The following B3GALT1 variants were observed in gnomAD, a reference collection of about 807,000 sequenced individuals.
B3GALT1 encodes the protein beta-1,3-galactosyltransferase 1, also known as UDP-Gal:betaGlcNAc beta 1,3-galactosyltransferase, polypeptide 1.
A neutral mutation model predicts 23.2 loss-of-function variants in B3GALT1; 10 were observed. That is an observed-to-expected ratio of 0.43 (90% CI 0.27 to 0.73). The LOEUF (loss-of-function observed/expected upper bound fraction) is 0.73, where lower values mean the gene tolerates loss of function less well. Ranked by LOEUF, B3GALT1 falls within the 30% of genes least tolerant of loss-of-function variation. B3GALT1 has a pLI of 0.21. For missense variants in B3GALT1, 299 were observed against 405.4 expected (o/e 0.74, Z 2.25); for synonymous variants, 156 against 141.5 (o/e 1.10, Z -0.73).
At chr2:167,309,431 C>A (rs1320282013) in intron 1 of B3GALT1, among the ~76,000 whole-genome samples, 2 of 152,050 alleles carry the variant, frequency 1.3e-5, no homozygotes, top group African/African-American at 4.8e-5. Flanking sequence ...AAATTACATA[C>A]CTACTTCTTT....
At chr2:167,752,475 G>A (rs1229091570) in intron 3 of B3GALT1, among the ~76,000 whole-genome samples, 7 of 151,498 alleles carry the variant, frequency 4.6e-5, no homozygotes, top group Admixed American at 4.6e-4. Flanking sequence ...TACCATTTAT[G>A]TAGATTTATT....
chr2:167,594,905 CA>C (rs376067930), intron 2 of B3GALT1, among the ~76,000 whole-genome samples: 167 of 144,542 alleles, frequency 1.2e-3, no homozygotes, highest in African/African-American at 3.8e-3. Context: ...GACTCTGTCT[CA>C]AAAAAAAAAG....
At chr2:167,516,091 C>T (rs1457347150) in intron 2 of B3GALT1, among the ~76,000 whole-genome samples, 1 of 151,972 alleles carries the variant, frequency 6.6e-6, no homozygotes, top group Non-Finnish European at 1.5e-5. Flanking sequence ...ATTTTTTAGA[C>T]ACGCCTCCCC....
At chr2:167,342,534 G>T (rs561707294) in intron 1 of B3GALT1, among the ~76,000 whole-genome samples, 1 of 149,930 alleles carries the variant, frequency 6.7e-6, no homozygotes, top group East Asian at 2.0e-4. Context: ...AGGTTGCAGT[G>T]AACTGAGACT....
chr2:167,415,124 C>T (rs949223774), intron 1 of B3GALT1, among the ~76,000 whole-genome samples: 10 of 152,198 alleles, frequency 6.6e-5, no homozygotes, highest in Admixed American at 3.3e-4. Context: ...CTCCAAAACT[C>T]ATGTTGAAAC....
At chr2:167,559,679 G>A (rs944757568) in intron 2 of B3GALT1, among the ~76,000 whole-genome samples, 7 of 152,180 alleles carry the variant, frequency 4.6e-5, no homozygotes, top group African/African-American at 1.7e-4. Context: ...AGGACCCAGT[G>A]CGATCAACTG....
At chr2:167,585,973 C>T (rs1247371725) in intron 2 of B3GALT1, among the ~76,000 whole-genome samples, 1 of 152,126 alleles carries the variant, frequency 6.6e-6, no homozygotes, top group East Asian at 1.9e-4. Flanking sequence ...GATGAGAGGT[C>T]AAAATAGGCA....
At chr2:167,717,705 A>AG (rs1431194332) in intron 3 of B3GALT1, among the ~76,000 whole-genome samples, 1 of 152,176 alleles carries the variant, frequency 6.6e-6, no homozygotes, top group Non-Finnish European at 1.5e-5. Context: ...ATTTAGGATA[A>AG]GTTTATAAAT....
chr2:167,538,714 TGGTATAACTCAAATCGTTTA>T (rs2105372361), intron 2 of B3GALT1, among the ~76,000 whole-genome samples: 1 of 152,334 alleles, frequency 6.6e-6, no homozygotes, highest in South Asian at 2.1e-4. Context: ...TGGTTTATCT[TGGTATAACTCAAATCGTTTA>T]GAACATTATA....
At chr2:167,510,409 T>TTTG (rs1553524064) in intron 2 of B3GALT1, among the ~76,000 whole-genome samples, 11 of 127,566 alleles carry the variant, frequency 8.6e-5, no homozygotes, top group African/African-American at 4.0e-4. Flanking sequence ...CAAGTTTTGT[T>TTTG]TTTTTTTTTT....
At chr2:167,450,033 C>A (rs772060642) in intron 1 of B3GALT1, among the ~76,000 whole-genome samples, 3 of 151,938 alleles carry the variant, frequency 2.0e-5, no homozygotes, top group African/African-American at 7.2e-5. Context: ...TATTCATCAG[C>A]GATGTTGGTG....
intron 3 of B3GALT1, among the ~76,000 whole-genome samples, chr2:167,739,741 G>GGAAT (rs1358185227): frequency 6.6e-6 from 1 of 151,998 alleles, no homozygotes; most frequent in African/African-American, 2.4e-5. Flanking sequence ...GTGAAATTAA[G>GGAAT]GAATGAATGA....
intron 4 of B3GALT1, among the ~76,000 whole-genome samples, chr2:167,835,549 C>A (rs1046806521): frequency 1.3e-5 from 2 of 152,216 alleles, no homozygotes; most frequent in Non-Finnish European, 2.9e-5. Context: ...CTGGGTGGAG[C>A]CCACCACAGC....
chr2:167,496,631 C>G (rs909682511), intron 2 of B3GALT1, among the ~76,000 whole-genome samples: 7 of 152,140 alleles, frequency 4.6e-5, no homozygotes, highest in Non-Finnish European at 8.8e-5. Context: ...CATATTCTAT[C>G]AGGGTGTTAC....
rs111915850 is a variant in B3GALT1 at position 167,514,927 on chromosome 2, A to T, written c.-410+24650A>T. Among the ~76,000 whole-genome samples the T allele has an allele frequency of 3.6e-3, 553 of 152,252 alleles. 2 individuals carry two copies. Among genetic ancestry groups the T allele is most frequent in the African/African-American group, 0.013 (542 of 41,564 alleles). ...GGTGAAATGTAAAATAGGTAATAGG[A>T]ACTGGTTAATAAATATAAACTACTA... is the stretch of plus-strand genomic sequence containing the variant. On this transcript the variant is annotated intron_variant, in intron 2 of 4. Coordinates refer to ENST00000392690, the MANE Select transcript of B3GALT1 (RefSeq NM_020981.4).
chr2:167,676,872 A>G (rs940372783), intron 3 of B3GALT1, among the ~76,000 whole-genome samples: 6 of 152,216 alleles, frequency 3.9e-5, no homozygotes, highest in Admixed American at 1.3e-4. Context: ...AGAACCATGT[A>G]TGCACATTAT....
rs1172650693 is a variant in B3GALT1 at position 167,435,334 on chromosome 2, C to T, written c.-510-54843C>T. ...TTATTCTAACAGTCAATTTTCTGTT[C>T]TATATAAGAACAGAAAATTCTTACC... On this transcript the variant is annotated intron_variant, in intron 1 of 4. Transcript: ENST00000392690. Among the ~76,000 whole-genome samples, 4 of 138,818 alleles carry T rather than the reference C, an allele frequency of 2.9e-5. No individual in the cohort carries two copies. The Admixed American group carries it at 3.1e-4, about 11-fold the overall frequency. 91.1% of individuals were successfully genotyped at this position (138,818 alleles called of 152,430 possible).
chr2:167,499,638 T>A (rs374159745), intron 2 of B3GALT1, among the ~76,000 whole-genome samples: 13 of 152,182 alleles, frequency 8.5e-5, no homozygotes, highest in African/African-American at 2.6e-4. Flanking sequence ...AAAACAGAAA[T>A]CTTAATTTTT....
chr2:167,700,729 G>A (rs1440898650), intron 3 of B3GALT1, among the ~76,000 whole-genome samples: 1 of 152,176 alleles, frequency 6.6e-6, no homozygotes, highest in Non-Finnish European at 1.5e-5. Context: ...GGGTAGGGTT[G>A]AGATTGAAGA....
Sources: allele counts gnomAD v4.1 joint callset (sites outside exome capture counted in the v4.1 genomes callset), GRCh38; gene constraint gnomAD v4.1.1; transcripts MANE v1.5; gene names NCBI Gene and HGNC (gene_info 2026-07-23, HGNC 2026-07-21).